The following NPAS3 variants were observed in gnomAD, a reference collection of about 807,000 sequenced individuals.
NPAS3 encodes neuronal PAS domain-containing protein 3.
In NPAS3, 14 loss-of-function variants were observed where a neutral mutation model predicts 73.1. The ratio of observed to expected loss-of-function variants is 0.19; its 90% CI spans 0.13 to 0.30. The LOEUF (loss-of-function observed/expected upper bound fraction) is 0.30. NPAS3 is among the 10% of genes least tolerant of loss of function. NPAS3 has a pLI of 1.00. For missense variants in NPAS3, 1,096 were observed against 1,250.0 expected, an observed-to-expected ratio of 0.88 and a Z score of 1.86; for synonymous variants, 620 against 541.5, an observed-to-expected ratio of 1.14 and a Z score of -2.01.
chr14:33,542,811 G>A (rs987013206), intron 4 of NPAS3, among the ~76,000 whole-genome samples: 1 of 152,154 alleles, frequency 6.6e-6, no homozygotes, highest in Non-Finnish European at 1.5e-5. Flanking sequence ...CCTTCTGCAG[G>A]GCCACAGAGA....
chr14:33,364,679 T>C (rs1270001738), intron 3 of NPAS3, among the ~76,000 whole-genome samples: 1 of 152,134 alleles, frequency 6.6e-6, no homozygotes, highest in Non-Finnish European at 1.5e-5. Context: ...ATAGAACTCA[T>C]GGATGAAGAC....
intron 4 of NPAS3, among the ~76,000 whole-genome samples, chr14:33,553,922 A>C (rs192672109): frequency 6.1e-4 from 92 of 151,842 alleles, no homozygotes; most frequent in Middle Eastern, 3.4e-3. Context: ...CCTGAGCAGT[A>C]TAGCATCACT....
At chr14:33,118,039 A>G (rs2043121761) in intron 2 of NPAS3, among the ~76,000 whole-genome samples, 2 of 152,114 alleles carry the variant, frequency 1.3e-5, no homozygotes, top group South Asian at 4.1e-4. Flanking sequence ...AAGTTAAACT[A>G]AATCTCAAGT....
rs554628287 is a variant in NPAS3 at position 33,088,853 on chromosome 14, CATTTGCTGTTCAGCAAT to C, written c.140+32871_140+32887del. Among the ~76,000 whole-genome samples, 340 of 152,334 alleles carry C rather than the reference CATTTGCTGTTCAGCAAT, an allele frequency of 2.2e-3. 2 individuals carry two copies. Among genetic ancestry groups the C allele is most frequent in the African/African-American group, 6.8e-3 (281 of 41,576 alleles). On this transcript the variant is annotated intron_variant, in intron 2 of 11. Transcript: ENST00000356141. Reference sequence around the variant, plus strand: ...TTCCAGAGGAACCATCAGGCAGCAACATTTGCTGTTCAGCAATATTTGCTGTTCTGCAGCCTCTGCTG... The same window carrying C: ...TTCCAGAGGAACCATCAGGCAGCAACATTTGCTGTTCTGCAGCCTCTGCTG...
intron 5 of NPAS3, among the ~76,000 whole-genome samples, chr14:33,614,602 A>G (rs143102767): frequency 9.2e-5 from 14 of 152,330 alleles, no homozygotes; most frequent in African/African-American, 2.4e-4. Context: ...TAGCATAAGC[A>G]GCTTAAACAG....
At chr14:32,993,771 A>C (rs2038438133) in intron 1 of NPAS3, among the ~76,000 whole-genome samples, 1 of 152,156 alleles carries the variant, frequency 6.6e-6, no homozygotes, top group African/African-American at 2.4e-5. Context: ...ATGAAGGTGA[A>C]GTTAGTTTAA....
In NPAS3 at chr14:33,713,070, G is replaced by A. The variant is rs560527147; in HGVS notation, c.734-22144G>A. ...TGATCATCCCTTCTTCTCTCTTACT[G>A]AAGGTGTTCTTTGTCAGGAAAGCCA... On this transcript the variant is annotated intron_variant, in intron 6 of 11. Coordinates refer to ENST00000356141, the Ensembl canonical transcript of NPAS3. Among the ~76,000 whole-genome samples, 6 of 152,212 alleles carry A rather than the reference G, an allele frequency of 3.9e-5. No individual in the cohort carries two copies. The South Asian group carries it at 1.0e-3, about 26-fold the overall frequency.
At chr14:33,644,590 T>A (rs972033652) in intron 5 of NPAS3, among the ~76,000 whole-genome samples, 1 of 152,182 alleles carries the variant, frequency 6.6e-6, no homozygotes, top group African/African-American at 2.4e-5. Flanking sequence ...GTCATCTTTA[T>A]TTCATACATG....
At chr14:33,520,424 A>T (rs1485853281) in intron 4 of NPAS3, among the ~76,000 whole-genome samples, 1 of 151,974 alleles carries the variant, frequency 6.6e-6, no homozygotes, top group Non-Finnish European at 1.5e-5. Context: ...TCTTTTTTTT[A>T]AATCTGAGAT....
intron 2 of NPAS3, among the ~76,000 whole-genome samples, chr14:33,123,810 G>C (rs944471662): frequency 3.3e-5 from 5 of 150,606 alleles, no homozygotes; most frequent in Admixed American, 1.3e-4. Flanking sequence ...TCAATGAGTT[G>C]AATTCCATAG....
intron 4 of NPAS3, among the ~76,000 whole-genome samples, chr14:33,486,688 C>A (rs1309423452): frequency 6.6e-6 from 1 of 152,182 alleles, no homozygotes; most frequent in African/African-American, 2.4e-5. Context: ...CAACCCAACA[C>A]CTGTGACCCA....
chr14:33,102,157 A>G (rs1021306227), intron 2 of NPAS3, among the ~76,000 whole-genome samples: 18 of 151,960 alleles, frequency 1.2e-4, no homozygotes, highest in African/African-American at 4.1e-4. Context: ...CATTCTTCAT[A>G]TGGTCACCTG....
chr14:33,427,164 G>GATTTT (rs1258222348), intron 4 of NPAS3, among the ~76,000 whole-genome samples: 1 of 151,956 alleles, frequency 6.6e-6, no homozygotes, highest in African/African-American at 2.4e-5. Context: ...AAAATATTAA[G>GATTTT]ATTTTATTTT....
chr14:33,675,228 C>T (rs142819654), intron 5 of NPAS3, among the ~76,000 whole-genome samples: 51 of 152,240 alleles, frequency 3.3e-4, no homozygotes, highest in African/African-American at 1.1e-3. Context: ...GTTGTATGTG[C>T]ATGTAATGTA....
intron 1 of NPAS3, among the ~76,000 whole-genome samples, chr14:33,008,590 A>G (rs2039081661): frequency 6.6e-6 from 1 of 152,214 alleles, no homozygotes; most frequent in Admixed American, 6.5e-5. Flanking sequence ...TACATTCTGA[A>G]GAGTATAAAG....
At chr14:33,216,919 G>A (rs987706086) in intron 3 of NPAS3, among the ~76,000 whole-genome samples, 3 of 152,126 alleles carry the variant, frequency 2.0e-5, no homozygotes, top group African/African-American at 7.2e-5. Flanking sequence ...TTCTGCCCTT[G>A]AGCATGTAGA....
At chr14:33,585,065 T>C (rs2056814094) in intron 5 of NPAS3, among the ~76,000 whole-genome samples, 1 of 145,750 alleles carries the variant, frequency 6.9e-6, no homozygotes, top group Admixed American at 6.7e-5. Flanking sequence ...AGTTCAATTC[T>C]TTCTTTTTTT....
At chr14:33,083,015 T>C (rs2041907329) in intron 2 of NPAS3, among the ~76,000 whole-genome samples, 1 of 151,446 alleles carries the variant, frequency 6.6e-6, no homozygotes, top group South Asian at 2.1e-4. Context: ...ACCTTGTCTC[T>C]ACAAAAAAAC....
intron 5 of NPAS3, among the ~76,000 whole-genome samples, chr14:33,622,401 A>G (rs1184721379): frequency 6.6e-6 from 1 of 152,206 alleles, no homozygotes; most frequent in Non-Finnish European, 1.5e-5. Flanking sequence ...TGAAGTTACT[A>G]GTCCCTTGAT....
Sources: allele counts gnomAD v4.1 joint callset (sites outside exome capture counted in the v4.1 genomes callset), GRCh38; gene constraint gnomAD v4.1.1; transcripts MANE v1.5; gene names NCBI Gene and HGNC (gene_info 2026-07-23, HGNC 2026-07-21).